Variants in RSPH10B2 observed in about 807,000 individuals in gnomAD.
RSPH10B2 encodes radial spoke head 10 homolog B2 (Chlamydomonas).
A neutral mutation model predicts 49.0 loss-of-function variants in RSPH10B2; 9 were observed. The observed-to-expected ratio is 0.18, with a 90% confidence interval of 0.11 to 0.32. The LOEUF is 0.32. RSPH10B2 is among the 10% of genes least tolerant of loss of function. The pLI, the probability that RSPH10B2 is intolerant of heterozygous loss-of-function variation, is 1.00. For synonymous variants in RSPH10B2, 35 were observed against 210.2 expected, an observed-to-expected ratio of 0.17 and a Z score of 7.21; for missense variants, 95 against 589.9, an observed-to-expected ratio of 0.16 and a Z score of 8.69.
intron 11 of RSPH10B2, among the ~76,000 whole-genome samples, chr7:6,780,358 A>T (rs1189737147): frequency 2.4e-5 from 3 of 124,366 alleles, no homozygotes; most frequent in African/African-American, 8.8e-5. Context: ...AAGTGGTTTT[A>T]TATCTTTTTT....
intron 1 of RSPH10B2, among the ~76,000 whole-genome samples, chr7:6,758,881 C>A (rs1260169782): frequency 7.3e-6 from 1 of 137,602 alleles, no homozygotes; most frequent in African/African-American, 2.7e-5. Context: ...ACAAAAAAAC[C>A]CCGAAATGCC....
At chr7:6,796,049 G>A (rs1449291391) in intron 17 of RSPH10B2, among the ~76,000 whole-genome samples, 1 of 144,148 alleles carries the variant, frequency 6.9e-6, no homozygotes, top group Non-Finnish European at 1.5e-5. Flanking sequence ...GCTGGGCACA[G>A]TGGCTCATGC....
chr7:6,785,679 G>A (rs1437485895), intron 13 of RSPH10B2, among the ~76,000 whole-genome samples: 4 of 151,626 alleles, frequency 2.6e-5, no homozygotes, highest in Admixed American at 6.6e-5. Flanking sequence ...ACAAAAATTA[G>A]CTGGACGTGG....
At chr7:6,786,490 A>G (rs1465811852) in intron 14 of RSPH10B2, among the ~76,000 whole-genome samples, 18 of 103,226 alleles carry the variant, frequency 1.7e-4, no homozygotes, top group Non-Finnish European at 2.4e-4. Context: ...CACCGCGCCC[A>G]GCCTTCAGCT....
intron 18 of RSPH10B2, among the ~76,000 whole-genome samples, chr7:6,797,864 A>ACAC (rs1370266545): frequency 2.7e-4 from 19 of 71,320 alleles, no homozygotes; most frequent in African/African-American, 7.1e-4. Context: ...AAAAAAAAAA[A>ACAC]ATACACACAC....
chr7:6,757,704 C>CA lies in RSPH10B2; in HGVS notation c.33dup (p.Gly12ArgfsTer13). On this transcript the variant is annotated frameshift_variant, in exon 1 of 19. Coordinates refer to ENST00000297186, the Ensembl canonical transcript of RSPH10B2. LOFTEE classifies it high-confidence loss of function. ...TGGTGAAAGAAAAGAAAAAAGCAGACAAAAAAGGGGAGAAGTCTGCCCGCT... is the reference window on the plus strand; with the variant it reads ...TGGTGAAAGAAAAGAAAAAAGCAGACAAAAAAAGGGGAGAAGTCTGCCCGCT... The CA allele has an allele frequency of 7.0e-7, 1 of 1,424,982 alleles. No individual in the cohort carries two copies. Among genetic ancestry groups the CA allele is most frequent in the Non-Finnish European group, 9.6e-7 (1 of 1,045,906 alleles). 88.3% of individuals were successfully genotyped at this position (1,424,982 alleles called of 1,614,324 possible). A position where few individuals can be genotyped will look rare whatever the true frequency, so the allele number is the denominator to read the frequency against.
intron 16 of RSPH10B2, among the ~76,000 whole-genome samples, chr7:6,791,633 C>T: frequency 6.8e-6 from 1 of 146,596 alleles, no homozygotes; most frequent in Non-Finnish European, 1.5e-5. Flanking sequence ...AGTGCAGCTA[C>T]CCAGGGAAGC....
At chr7:6,785,755 G>A (rs1782137440) in intron 13 of RSPH10B2, among the ~76,000 whole-genome samples, 194 bp from the exon 16 acceptor site, 1 of 151,168 alleles carries the variant, frequency 6.6e-6, no homozygotes, top group East Asian at 1.9e-4. Flanking sequence ...AACCCAGGAG[G>A]TGGAGGTTGC....
At chr7:6,753,483 T>TG (rs1276457101), upstream of RSPH10B2, 1 of 84,800 alleles carries the variant, frequency 1.2e-5, no homozygotes, top group African/African-American at 7.4e-5. Flanking sequence ...TGATGCCTGA[T>TG]GATCTGTCAC....
Position 6,781,909 on chromosome 7 carries a change from A to T in RSPH10B2, c.1758+433A>T, listed in dbSNP as rs1484983415. The stretch of plus-strand genomic sequence containing the variant: ...AAATATATATATAATAAATATATAT[A>T]TTTTTTTAATTTTATTTTTTTGAGA... On this transcript the variant is annotated intron_variant, in intron 13 of 18. Transcript: ENST00000297186. Among the ~76,000 whole-genome samples the T allele has an allele frequency of 1.3e-4, 14 of 107,298 alleles. 1 individual carries two copies. The highest frequency in any genetic ancestry group is 8.7e-4 in the South Asian group (2 of 2,288). 70.4% of individuals were successfully genotyped at this position (107,298 alleles called of 152,430 possible). A position where few individuals can be genotyped will look rare whatever the true frequency, so the allele number is the denominator to read the frequency against.
At chr7:6,784,807 C>T (rs1445444272) in intron 13 of RSPH10B2, among the ~76,000 whole-genome samples, 1 of 111,980 alleles carries the variant, frequency 8.9e-6, no homozygotes, top group East Asian at 3.7e-4. Context: ...ACCTCGTGAG[C>T]CGCCTGCCTC....
chr7:6,785,775 A>G (rs1782138430), intron 13 of RSPH10B2, among the ~76,000 whole-genome samples, 174 bp from the exon 16 acceptor site: 1 of 151,380 alleles, frequency 6.6e-6, no homozygotes. Context: ...CAGTGAGCTG[A>G]GATTGCGCCA....
chr7:6,755,658 G>T (rs1781026872), upstream of RSPH10B2, among the ~76,000 whole-genome samples: 1 of 50,630 alleles, frequency 2.0e-5, no homozygotes, highest in Non-Finnish European at 3.3e-5. Context: ...AAACCAGCCA[G>T]GCACGGTGGC....
chr7:6,780,957 G>A, intron 12 of RSPH10B2, 69 bp downstream of exon 14: 1 of 1,338,494 alleles, frequency 7.5e-7, no homozygotes. Context: ...AATCTGGGCT[G>A]GGCGCAGTGG....
At chr7:6,783,696 C>A (rs1297328819) in intron 13 of RSPH10B2, among the ~76,000 whole-genome samples, 4 of 151,634 alleles carry the variant, frequency 2.6e-5, no homozygotes, top group African/African-American at 9.7e-5. Context: ...TGATCTTGAA[C>A]TCCTGGGCTC....
upstream of RSPH10B2, among the ~76,000 whole-genome samples, chr7:6,756,095 C>T (rs1265168909): frequency 2.9e-4 from 44 of 150,508 alleles, no homozygotes; most frequent in East Asian, 1.4e-3. Flanking sequence ...GGTGAAACCC[C>T]GTCTCTACTA....
At chr7:6,795,325 G>A (rs1344052552) in intron 17 of RSPH10B2, among the ~76,000 whole-genome samples, 3 of 4,966 alleles carry the variant, frequency 6.0e-4, no homozygotes, top group African/African-American at 2.4e-3. Flanking sequence ...AAGAAAGATA[G>A]AGAGGGATAA....
chr7:6,793,511 T>TC (rs921838332), intron 17 of RSPH10B2, among the ~76,000 whole-genome samples: 3 of 117,244 alleles, frequency 2.6e-5, no homozygotes, highest in African/African-American at 1.0e-4. Context: ...AGTGGATCAT[T>TC]CCCATCGGCA....
intron 9 of RSPH10B2, among the ~76,000 whole-genome samples, chr7:6,774,745 CTTTTTTTTTGT>C (rs1781705851): frequency 1.1e-5 from 1 of 91,910 alleles, no homozygotes; most frequent in South Asian, 5.4e-4. Context: ...GCTATATTAT[CTTTTTTTTTGT>C]TTTTTTTTTT....
Sources: allele counts gnomAD v4.1 joint callset (sites outside exome capture counted in the v4.1 genomes callset), GRCh38; gene constraint gnomAD v4.1.1; transcripts MANE v1.5; gene names NCBI Gene and HGNC (gene_info 2026-07-23, HGNC 2026-07-21).